CCDC66: variants seen among roughly 807,000 people sequenced by gnomAD.
The protein encoded by CCDC66 is coiled-coil domain containing 66.
Under a neutral mutation model 128.3 loss-of-function variants are expected in CCDC66, and 133 were observed. That is an observed-to-expected ratio of 1.04 (90% CI 0.90 to 1.20). CCDC66 has a LOEUF of 1.20. Among genes scored for constraint, CCDC66 ranks in the 50% most tolerant of loss-of-function variants. The probability of loss-of-function intolerance (pLI) is 0.00; values close to 1 mark genes in which losing one functional copy is unlikely to be tolerated. For synonymous variants in CCDC66, 387 were observed against 357.0 expected (o/e 1.08, Z -0.95); for missense variants, 1,126 against 1,075.5 (o/e 1.05, Z -0.66).
chr3:56,618,301 G>GTA lies in CCDC66; in HGVS notation c.2378+93_2378+94dup, dbSNP rs369510386. The GTA allele has an allele frequency of 8.0e-4, 919 of 1,144,798 alleles. 4 individuals carry two copies. In the African/African-American group the frequency reaches 0.012, roughly 16 times the overall value. 70.9% of individuals were successfully genotyped at this position (1,144,798 alleles called of 1,614,324 possible). On this transcript the variant is annotated intron_variant, in intron 15 of 17. Transcript: ENST00000394672. ...TTCAAGATCTGGACAGCATCATATG[G>GTA]TATATGTAGAGAACAATCAGAAAGG...
chr3:56,558,908 A>C lies in CCDC66; in HGVS notation c.74A>C (p.Tyr25Ser). 1.3e-6 allele frequency: 2 copies of C among 1,542,874 alleles called. No individual in the cohort carries two copies. The highest frequency in any genetic ancestry group is 1.8e-6 in the Non-Finnish European group (2 of 1,140,440). The part of the protein sequence containing the change: ...DGKTKLILSP[Y>S]EHKSKISVKM... Reference sequence around the variant, plus strand: ...AAAACCAAGCTAATATTGTCTCCATATGGTATGTTGTGTTACAGAAATCTG... The same window carrying C: ...AAAACCAAGCTAATATTGTCTCCATCTGGTATGTTGTGTTACAGAAATCTG... Residue 25 changes from tyrosine to serine, a missense_variant and splice_region_variant, in exon 2 of 18, where the codon TAT becomes TCT. Tyr to Ser is a moderately radical substitution (Grantham distance 144, BLOSUM62 -2). Coordinates refer to ENST00000394672, the MANE Select transcript of CCDC66 (RefSeq NM_001141947.3).
At chr3:56,561,341 G>T in intron 3 of CCDC66, 2 of 448,996 alleles carry the variant, frequency 4.5e-6, no homozygotes, top group Non-Finnish European at 8.9e-6. Flanking sequence ...CCCCTTTATA[G>T]GCCTATAATA....
intron 3 of CCDC66, chr3:56,561,321 A>T: frequency 2.2e-6 from 1 of 455,228 alleles, no homozygotes; most frequent in Middle Eastern, 3.4e-4. Flanking sequence ...AACTCAGAAC[A>T]TCTGAAGATC....
At chr3:56,593,367 GT>G in intron 8 of CCDC66, 123 bp from the exon 9 acceptor site, 3 of 1,091,520 alleles carry the variant, frequency 2.7e-6, no homozygotes, top group Non-Finnish European at 3.9e-6. Context: ...GTACAGTCTT[GT>G]TAATTTTTAT....
chr3:56,599,302 CTT>C (rs2072721973), intron 10 of CCDC66, among the ~76,000 whole-genome samples: 1 of 151,890 alleles, frequency 6.6e-6, no homozygotes, highest in South Asian at 2.1e-4. Flanking sequence ...GGTCTTCTCT[CTT>C]CGGTTCTTGG....
intron 10 of CCDC66, among the ~76,000 whole-genome samples, chr3:56,607,955 A>C (rs1213891137): frequency 6.6e-6 from 1 of 152,100 alleles, no homozygotes; most frequent in Non-Finnish European, 1.5e-5. Flanking sequence ...GAGTATGTTA[A>C]ACCATCCCTG....
intron 3 of CCDC66, 50 bp downstream of exon 3, chr3:56,559,644 TTTA>T: frequency 1.4e-6 from 2 of 1,387,752 alleles, no homozygotes; most frequent in South Asian, 2.7e-5. Context: ...AAAATGCAGT[TTTA>T]TTTATAGTGG....
rs148937348 is a variant in CCDC66 at position 56,600,488 on chromosome 3, A to G, written c.1404+6460A>G. On this transcript the variant is annotated intron_variant, in intron 10 of 17. Coordinates refer to ENST00000394672, the MANE Select transcript of CCDC66 (RefSeq NM_001141947.3). ...TAGAATGATTTATAATCCCTTCGGT[A>G]TATACCTAGTAATGGGATTGCTGGG... Among the ~76,000 whole-genome samples, 458 of 152,082 alleles carry G rather than the reference A, an allele frequency of 3.0e-3. 6 individuals carry two copies. Among genetic ancestry groups the G allele is most frequent in the African/African-American group, 0.011 (438 of 41,398 alleles).
rs2075568275 is a variant in CCDC66, at chr3:56,616,791, T to C, written c.1844-321T>C. 2.2e-5 allele frequency: 5 copies of C among 231,804 alleles called. No homozygotes were observed. In the South Asian group the frequency reaches 4.4e-4, roughly 20 times the overall value. 14.4% of individuals were successfully genotyped at this position (231,804 alleles called of 1,614,324 possible). A position where few individuals can be genotyped will look rare whatever the true frequency, so the allele number is the denominator to read the frequency against. ...AGTGCATGTGGGTTCTGATTCTCTATATCCTTGCCAGCCCTTGTTATTCTA... is the reference window on the plus strand; with the variant it reads ...AGTGCATGTGGGTTCTGATTCTCTACATCCTTGCCAGCCCTTGTTATTCTA... On this transcript the variant is annotated intron_variant, in intron 13 of 17. Coordinates refer to ENST00000394672, the MANE Select transcript of CCDC66 (RefSeq NM_001141947.3).
At chr3:56,557,540 G>C (rs534345158) in intron 1 of CCDC66, among the ~76,000 whole-genome samples, 2 of 152,332 alleles carry the variant, frequency 1.3e-5, no homozygotes, top group East Asian at 3.9e-4. Context: ...AGAGAGGTGA[G>C]GAGGAAAGGA....
intron 11 of CCDC66, 134 bp from the exon 12 acceptor site, chr3:56,614,991 CTTG>C (rs990569788): frequency 5.9e-6 from 4 of 675,508 alleles, no homozygotes; most frequent in Middle Eastern, 5.4e-4. Context: ...GGAACTTTGC[CTTG>C]TTGACTGTTG....
intron 10 of CCDC66, among the ~76,000 whole-genome samples, chr3:56,601,896 A>G (rs2073231956): frequency 6.6e-6 from 1 of 152,116 alleles, no homozygotes; most frequent in African/African-American, 2.4e-5. Context: ...TTCTAAATAT[A>G]CAATCATGTC....
Position 56,621,569 on chromosome 3 carries a change from T to TCGA in CCDC66, c.2799_2800insGAC (p.Leu933_Leu934insAsp). ...AAGCAAAAGGAGTTGGAAAGTAGTCTCCTGCCTTTAGCTGAAAATCAAGAA... is the reference window on the plus strand; with the variant it reads ...AAGCAAAAGGAGTTGGAAAGTAGTCTCGACCTGCCTTTAGCTGAAAATCAAGAA... On this transcript the variant is annotated inframe_insertion, in exon 18 of 18. Coordinates refer to ENST00000394672, the MANE Select transcript of CCDC66 (RefSeq NM_001141947.3). 1.2e-6 allele frequency: 2 copies of TCGA among 1,603,352 alleles called. No individual in the cohort carries two copies. Among genetic ancestry groups the TCGA allele is most frequent in the South Asian group, 1.1e-5 (1 of 88,816 alleles).
At position 56,621,623 on chromosome 3, in the gene CCDC66, A is replaced by C. The variant is rs751055240; in HGVS notation, c.*5A>C. ...AGTTTTGGTTCTTCATTTTAAATGT[A>C]GAAAATCAAATCCTTCACATTTGAT... On this transcript the variant is annotated 3_prime_UTR_variant, in exon 18 of 18. Transcript: ENST00000394672. 5 of 1,579,990 alleles carry C rather than the reference A, an allele frequency of 3.2e-6. No individual in the cohort carries two copies. The South Asian group carries it at 5.7e-5, about 18-fold the overall frequency.
chr3:56,620,740 T>C (rs1282995995), intron 17 of CCDC66: 1 of 152,112 alleles, frequency 6.6e-6, no homozygotes, highest in Non-Finnish European at 1.5e-5. Context: ...AGACAAAAAT[T>C]GTGAGATAAA....
chr3:56,613,859 C>A, intron 11 of CCDC66, 109 bp downstream of exon 11: 1 of 841,314 alleles, frequency 1.2e-6, no homozygotes, highest in Non-Finnish European at 1.9e-6. Context: ...TAGCTCACTG[C>A]AGTCTTGACC....
Position 56,604,704 on chromosome 3 carries a change from G to C in CCDC66, c.1405-8885G>C, listed in dbSNP as rs1021607827. Among the ~76,000 whole-genome samples, 3 of 151,822 alleles carry C rather than the reference G, an allele frequency of 2.0e-5. No individual in the cohort carries two copies. The East Asian group carries it at 5.8e-4, about 29-fold the overall frequency. ...GGTAACCCGACCTTTCTCTCTGGCTGCCCTTAACATTTTTTCCTCCATTTC... is the reference window on the plus strand; with the variant it reads ...GGTAACCCGACCTTTCTCTCTGGCTCCCCTTAACATTTTTTCCTCCATTTC... On this transcript the variant is annotated intron_variant, in intron 10 of 17. Transcript: ENST00000394672.
chr3:56,596,412 G>GTC (rs1190500577), intron 10 of CCDC66, among the ~76,000 whole-genome samples: 1 of 151,990 alleles, frequency 6.6e-6, no homozygotes, highest in Non-Finnish European at 1.5e-5. Context: ...GATTTTTGGT[G>GTC]TGTGTGTGTG....
rs964877296 is a variant in CCDC66, at chr3:56,619,949, G to A, written c.2760+48G>A. 7 of 1,582,132 alleles carry A rather than the reference G, an allele frequency of 4.4e-6. No individual in the cohort carries two copies. In the African/African-American group the frequency reaches 8.2e-5, roughly 19 times the overall value. Reference sequence around the variant, plus strand: ...ATATGTCTGTTCTTTATGTGGCGTGGGCGGTTGGGGGAACCTGTTGAACGG... The same window carrying A: ...ATATGTCTGTTCTTTATGTGGCGTGAGCGGTTGGGGGAACCTGTTGAACGG... On this transcript the variant is annotated intron_variant, in intron 17 of 17. Coordinates refer to ENST00000394672, the MANE Select transcript of CCDC66 (RefSeq NM_001141947.3).
Sources: allele counts gnomAD v4.1 joint callset (sites outside exome capture counted in the v4.1 genomes callset), GRCh38; gene constraint gnomAD v4.1.1; transcripts MANE v1.5; gene names NCBI Gene and HGNC (gene_info 2026-07-23, HGNC 2026-07-21).